The following FBXW11 variants were observed in gnomAD, a reference collection of about 807,000 sequenced individuals.
FBXW11 encodes F-box and WD repeat domain containing 11.
In FBXW11, 19 loss-of-function variants were observed where a neutral mutation model predicts 77.6. The ratio of observed to expected loss-of-function variants is 0.24; its 90% CI spans 0.17 to 0.36. FBXW11 has a LOEUF of 0.36. Among genes scored for constraint, FBXW11 ranks in the 10% least tolerant of loss-of-function variants. The pLI, the probability that FBXW11 is intolerant of heterozygous loss-of-function variation, is 1.00. For missense variants in FBXW11, 334 were observed against 704.2 expected, an observed-to-expected ratio of 0.47 and a Z score of 5.95; for synonymous variants, 235 against 249.4, an observed-to-expected ratio of 0.94 and a Z score of 0.54.
intron 2 of FBXW11, among the ~76,000 whole-genome samples, chr5:171,915,586 G>A (rs1018218238): frequency 2.2e-5 from 3 of 138,202 alleles, no homozygotes; most frequent in Non-Finnish European, 4.7e-5. Flanking sequence ...CCAAAGAGAA[G>A]TTGGATTCCT....
intron 7 of FBXW11, among the ~76,000 whole-genome samples, chr5:171,890,961 A>T (rs1323993236): frequency 6.6e-6 from 1 of 152,232 alleles, no homozygotes; most frequent in Non-Finnish European, 1.5e-5. Flanking sequence ...TGTTTTCTTA[A>T]ATATGAGGAC....
At position 171,870,930 on chromosome 5, in the gene FBXW11, T is replaced by C. The variant is rs534611435; in HGVS notation, c.1341-72A>G. 2.5e-5 allele frequency: 26 copies of C among 1,037,058 alleles called. No individual in the cohort carries two copies. The East Asian group carries it at 5.9e-4, about 24-fold the overall frequency. The allele number at this position is 1,037,058 out of a possible 1,614,324, so 64.2% of individuals were successfully genotyped here. ...TCACACTATCCGTAAGTTTTTTATA[T>C]CTGTTCCATACAGATACAATTTTTC... On this transcript the variant is annotated intron_variant, in intron 10 of 13. Coordinates refer to ENST00000517395, the MANE Select transcript of FBXW11 (RefSeq NM_001378974.1).
At chr5:171,932,084 A>G (rs1300235045) in intron 2 of FBXW11, among the ~76,000 whole-genome samples, 5 of 151,998 alleles carry the variant, frequency 3.3e-5, no homozygotes, top group Admixed American at 3.3e-4. Context: ...CATGTTGCCC[A>G]AGCTGGTCTC....
chr5:171,905,144 T>C (rs914597280), intron 4 of FBXW11, among the ~76,000 whole-genome samples: 1 of 152,236 alleles, frequency 6.6e-6, no homozygotes. Flanking sequence ...CCTCCTTCTA[T>C]GAGGCAGCAT....
chr5:171,933,510 T>C (rs1047410904), intron 2 of FBXW11, among the ~76,000 whole-genome samples: 10 of 152,170 alleles, frequency 6.6e-5, no homozygotes, highest in African/African-American at 2.2e-4. Context: ...CGGGTGATAA[T>C]GGTGTGTCAA....
rs577054996 is a variant in FBXW11, at chr5:171,935,766, A to G, written c.148-21361T>C. Among the ~76,000 whole-genome samples the G allele has an allele frequency of 2.0e-5, 3 of 152,286 alleles. No individual in the cohort carries two copies. The East Asian group carries it at 5.8e-4, about 29-fold the overall frequency. On this transcript the variant is annotated intron_variant, in intron 2 of 13. Transcript: ENST00000517395. ...GAGTAATCCTGAGATGATGCAAAAA[A>G]TTGTCAAAAAAATTAATGGTAAACA...
intron 2 of FBXW11, among the ~76,000 whole-genome samples, chr5:171,922,878 CTTT>C (rs1268390927): frequency 6.6e-6 from 1 of 152,058 alleles, no homozygotes; most frequent in Non-Finnish European, 1.5e-5. Flanking sequence ...TGTTTTTCTT[CTTT>C]TTGTCATCAC....
At chr5:171,916,516 CAGTA>C in intron 2 of FBXW11, 7 of 955,670 alleles carry the variant, frequency 7.3e-6, no homozygotes, top group South Asian at 9.7e-5. Context: ...GTGGTGAAAG[CAGTA>C]AGTAATTCTG....
chr5:171,870,831 A>G lies in FBXW11; in HGVS notation c.1368T>C (p.Cys456=), dbSNP rs1338589315. 8 of 1,613,762 alleles carry G rather than the reference A, an allele frequency of 5.0e-6. No individual in the cohort carries two copies. Among genetic ancestry groups the G allele is most frequent in the Non-Finnish European group, 6.8e-6 (8 of 1,179,678 alleles). ...IRLWDIECGA[C]LRVLEGHEEL... is the part of the protein sequence containing the mutation. ...CTTCATGTCCCTCTAGGACTCTTAA[A>G]CAGGCACCACATTCAATATCCCAGA... The change falls in exon 11 of 14, where the codon TGT becomes TGC. Residue 456 remains cysteine (C), a synonymous_variant. Transcript: ENST00000517395.
rs1034115424 is a variant in FBXW11, at chr5:171,955,158, C to T, written c.147+2439G>A. On this transcript the variant is annotated intron_variant, in intron 2 of 13. Coordinates refer to ENST00000517395, the MANE Select transcript of FBXW11 (RefSeq NM_001378974.1). ...CCCTTCTAGACGATGGTAGAAACTT[C>T]CGGAATGGGTAAATTATGCCTAAGG... Among the ~76,000 whole-genome samples, 8 of 152,332 alleles carry T rather than the reference C, an allele frequency of 5.3e-5. No individual in the cohort carries two copies. The East Asian group carries it at 1.3e-3, about 26-fold the overall frequency.
In FBXW11 at chr5:171,904,288, C is replaced by CT. The variant is rs2113899725; in HGVS notation, c.437-4189dup. Among the ~76,000 whole-genome samples, 1 of 152,018 alleles carries CT rather than the reference C, an allele frequency of 6.6e-6. No individual in the cohort carries two copies. The highest frequency in any genetic ancestry group is 1.9e-4 in the East Asian group (1 of 5,176). Reference sequence around the variant, plus strand: ...CTAGCCTGGGTTACAGTGCAAGACTCTGTCTTTTTTTAAAAAAAATAAAAA... The same window carrying CT: ...CTAGCCTGGGTTACAGTGCAAGACTCTTGTCTTTTTTTAAAAAAAATAAAAA... On this transcript the variant is annotated intron_variant, in intron 4 of 13. Transcript: ENST00000517395. This position sits in a 1 kb window ranked among gnomAD's most constrained non-coding sequence, Gnocchi z 4.0.
chr5:171,908,710 C>A (rs187048911), intron 4 of FBXW11: 1 of 152,080 alleles, frequency 6.6e-6, no homozygotes, highest in Admixed American at 6.6e-5. Context: ...TAAACTTACA[C>A]GTTTTGGAAG....
intron 1 of FBXW11, among the ~76,000 whole-genome samples, chr5:171,991,096 G>T (rs1047813926): frequency 6.6e-6 from 1 of 152,146 alleles, no homozygotes; most frequent in African/African-American, 2.4e-5. Context: ...AAAGTGCTGG[G>T]ATTAAAGGAG....
intron 2 of FBXW11, among the ~76,000 whole-genome samples, chr5:171,940,152 C>A (rs1415355066): frequency 6.6e-6 from 1 of 152,030 alleles, no homozygotes; most frequent in Non-Finnish European, 1.5e-5. Flanking sequence ...GATATGCATT[C>A]TGGGGTTGAG....
chr5:171,926,094 C>A (rs1290945196), intron 2 of FBXW11, among the ~76,000 whole-genome samples: 1 of 152,124 alleles, frequency 6.6e-6, no homozygotes, highest in East Asian at 1.9e-4. Context: ...CTTATCCTAC[C>A]TAAATTTTCC....
At chr5:171,917,675 A>T (rs1247536028) in intron 2 of FBXW11, among the ~76,000 whole-genome samples, 1 of 152,126 alleles carries the variant, frequency 6.6e-6, no homozygotes, top group Non-Finnish European at 1.5e-5. Flanking sequence ...CAGGCAATGC[A>T]AAAGATGTCT....
chr5:171,997,802 A>C (rs1766151592), intron 1 of FBXW11, among the ~76,000 whole-genome samples: 1 of 152,232 alleles, frequency 6.6e-6, no homozygotes, highest in Non-Finnish European at 1.5e-5. Context: ...CTAAAAGGGA[A>C]AGAGAAAAAG....
intron 2 of FBXW11, among the ~76,000 whole-genome samples, chr5:171,952,536 G>A (rs1198275619): frequency 7.4e-6 from 1 of 134,874 alleles, no homozygotes; most frequent in African/African-American, 2.8e-5. Context: ...CACTGCAGCC[G>A]CCACCTCCTG....
chr5:172,003,969 G>C (rs1414766008), intron 1 of FBXW11, among the ~76,000 whole-genome samples: 1 of 152,212 alleles, frequency 6.6e-6, no homozygotes, highest in African/African-American at 2.4e-5. Flanking sequence ...TTTGAGTACT[G>C]AAGCTGACTC....
Sources: allele counts gnomAD v4.1 joint callset (sites outside exome capture counted in the v4.1 genomes callset), GRCh38; gene constraint gnomAD v4.1.1; non-coding constraint Gnocchi (gnomAD v3.1); transcripts MANE v1.5; gene names NCBI Gene and HGNC (gene_info 2026-07-23, HGNC 2026-07-21).